Variants in MYO5C observed in about 807,000 individuals in gnomAD.
The protein encoded by MYO5C is unconventional myosin-Vc.
Under a neutral mutation model 235.7 loss-of-function variants are expected in MYO5C, and 194 were observed. The observed-to-expected ratio is 0.82, with a 90% CI of 0.73 to 0.93. MYO5C has a LOEUF of 0.93. MYO5C is among the 40% of genes least tolerant of loss of function. The pLI is 0.00. For missense variants in MYO5C, 2,038 were observed against 2,127.2 expected (o/e 0.96, Z 0.82); for synonymous variants, 707 against 754.8 (o/e 0.94, Z 1.04).
intron 2 of MYO5C, among the ~76,000 whole-genome samples, chr15:52,282,425 C>T (rs1264254440): frequency 2.0e-5 from 3 of 152,244 alleles, no homozygotes; most frequent in Admixed American, 2.0e-4. Context: ...TTTTTCATCT[C>T]TGCCCAATCT....
chr15:52,195,316 A>G, intron 40 of MYO5C, 61 bp downstream of exon 40: 1 of 1,122,402 alleles, frequency 8.9e-7, no homozygotes, highest in Non-Finnish European at 1.3e-6. Flanking sequence ...TTAATTAAGT[A>G]TCAACATCTT....
At chr15:52,282,923 C>T in intron 1 of MYO5C, 31 bp from the exon 2 acceptor site, 1 of 1,428,330 alleles carries the variant, frequency 7.0e-7, no homozygotes, top group Non-Finnish European at 9.9e-7. Flanking sequence ...AGCTGAATTT[C>T]AGGACTTCCA....
intron 21 of MYO5C, 101 bp from the exon 22 acceptor site, chr15:52,237,747 T>C: frequency 1.7e-6 from 2 of 1,184,026 alleles, no homozygotes; most frequent in Non-Finnish European, 2.4e-6. Flanking sequence ...ATTTGAGAGG[T>C]TGCTTTATGC....
At chr15:52,198,503 G>A (rs2035106554) in intron 38 of MYO5C, among the ~76,000 whole-genome samples, 1 of 152,092 alleles carries the variant, frequency 6.6e-6, no homozygotes, top group South Asian at 2.1e-4. Context: ...CCTCATTTTT[G>A]CATTGCTACT....
At chr15:52,264,031 A>C (rs765717425) in intron 9 of MYO5C, among the ~76,000 whole-genome samples, 159 bp downstream of exon 9, 10 of 152,228 alleles carry the variant, frequency 6.6e-5, no homozygotes, top group Admixed American at 5.9e-4. Context: ...TTACTCTTTG[A>C]AGGCAAGCCC....
At chr15:52,243,718 G>C (rs142054825) in intron 19 of MYO5C, among the ~76,000 whole-genome samples, 1 of 152,356 alleles carries the variant, frequency 6.6e-6, no homozygotes, top group East Asian at 1.9e-4. Flanking sequence ...TTTCCAGCAG[G>C]TACACCAAAG....
rs74015643 is a variant in MYO5C, at chr15:52,245,186, A to G, written c.2178+168T>C. Reference sequence around the variant, plus strand: ...CCTAACGGGGACTCATGGCCCACTGAGCACTCTGCTATGGTCTCTTCAGCA... The same window carrying G: ...CCTAACGGGGACTCATGGCCCACTGGGCACTCTGCTATGGTCTCTTCAGCA... On this transcript the variant is annotated intron_variant, in intron 18 of 40. Transcript: ENST00000261839. 1.8e-3 allele frequency among the ~76,000 whole-genome samples: 276 copies of G among 152,310 alleles called. 1 individual carries two copies. Among genetic ancestry groups the G allele is most frequent in the African/African-American group, 6.6e-3 (273 of 41,566 alleles).
At chr15:52,241,631 C>A (rs772967942) in intron 20 of MYO5C, among the ~76,000 whole-genome samples, 9 of 152,074 alleles carry the variant, frequency 5.9e-5, no homozygotes, top group Non-Finnish European at 1.2e-4. Context: ...AGGTGTATAT[C>A]CTGTCTGTTA....
chr15:52,293,439 A>G (rs948493931), intron 1 of MYO5C, among the ~76,000 whole-genome samples: 1 of 149,908 alleles, frequency 6.7e-6, no homozygotes, highest in Non-Finnish European at 1.5e-5. Flanking sequence ...TCCCTCTGAC[A>G]CCTCCCACCC....
rs556448388 is a variant in MYO5C at position 52,248,789 on chromosome 15, C to T, written c.1663-6G>A. On this transcript the variant is annotated splice_polypyrimidine_tract_variant and splice_region_variant and intron_variant, in intron 13 of 40. Transcript: ENST00000261839. ...CCTTCACATTTATACTCTACCTATA[C>T]AGAGAAAGCAATTAATTATTCCCAA... 1.2e-4 allele frequency: 192 copies of T among 1,600,668 alleles called. No individual in the cohort carries two copies. In the South Asian group the frequency reaches 2.0e-3, roughly 17 times the overall value.
At position 52,246,067 on chromosome 15, in the gene MYO5C, T is replaced by G; in HGVS notation, c.1980-25A>C. 2.5e-6 allele frequency: 4 copies of G among 1,595,710 alleles called. No individual in the cohort carries two copies. In the South Asian group the frequency reaches 3.3e-5, roughly 13 times the overall value. On this transcript the variant is annotated intron_variant, in intron 16 of 40. Coordinates refer to ENST00000261839, the MANE Select transcript of MYO5C (RefSeq NM_018728.4). Reference sequence around the variant, plus strand: ...TCTTTAAAAAGACAATGATATTATGTGTTGAGGCATCGTAATTGCTCAACA... The same window carrying G: ...TCTTTAAAAAGACAATGATATTATGGGTTGAGGCATCGTAATTGCTCAACA...
chr15:52,238,994 C>G (rs1211188403), intron 21 of MYO5C, among the ~76,000 whole-genome samples: 1 of 151,738 alleles, frequency 6.6e-6, no homozygotes, highest in Non-Finnish European at 1.5e-5. Flanking sequence ...TCTTGTTGCC[C>G]AGGCTGGAGT....
At position 52,196,483 on chromosome 15, in the gene MYO5C, C is replaced by G. The variant is rs2035055255; in HGVS notation, c.4821G>C (p.Arg1607Ser). ...ATTCTTCTAAGTAGCTGATATTGCA[C>G]CTGGAGGGAAAGGCAGAAGAACAGA... ...MCSCRKGMQI[R>S]CNISYLEEWL... Residue 1607 changes from arginine (R) to serine (S), a missense_variant and splice_region_variant, in exon 39 of 41, where the codon AGG (arginine) becomes AGC (serine). Coordinates refer to ENST00000261839, the MANE Select transcript of MYO5C (RefSeq NM_018728.4). 1 of 1,611,622 alleles carries G rather than the reference C, an allele frequency of 6.2e-7. No individual in the cohort carries two copies. Among genetic ancestry groups the G allele is most frequent in the Admixed American group, 1.7e-5 (1 of 59,630 alleles).
intron 9 of MYO5C, 34 bp from the exon 10 acceptor site, chr15:52,261,161 C>G: frequency 6.2e-7 from 1 of 1,606,154 alleles, no homozygotes; most frequent in Non-Finnish European, 8.5e-7. Flanking sequence ...GTCAGGTGGC[C>G]CAGCCATCCA....
intron 2 of MYO5C, among the ~76,000 whole-genome samples, chr15:52,282,147 T>A (rs145208705): frequency 6.6e-6 from 1 of 152,068 alleles, no homozygotes; most frequent in Non-Finnish European, 1.5e-5. Flanking sequence ...ACTGCTAAAG[T>A]TCATCCTCAC....
chr15:52,293,775 G>A (rs2037444127), intron 1 of MYO5C, among the ~76,000 whole-genome samples: 1 of 152,134 alleles, frequency 6.6e-6, no homozygotes, highest in African/African-American at 2.4e-5. Context: ...CTCCTCCACA[G>A]CCCAAGGGCG....
In MYO5C at chr15:52,230,453, G is replaced by T. The variant is rs536139135; in HGVS notation, c.3027-1140C>A. ...GAGTTTTGCTCTTTTACCCAGGCTG[G>T]AGTGAACTTCAGTGGCATGATCTCA... On this transcript the variant is annotated intron_variant, in intron 24 of 40. Coordinates refer to ENST00000261839, the MANE Select transcript of MYO5C (RefSeq NM_018728.4). Among the ~76,000 whole-genome samples the T allele has an allele frequency of 2.5e-4, 38 of 151,826 alleles. 1 individual carries two copies. Among genetic ancestry groups the T allele is most frequent in the African/African-American group, 9.2e-4 (38 of 41,386 alleles).
chr15:52,210,349 A>G (rs1370592616), intron 35 of MYO5C, among the ~76,000 whole-genome samples: 2 of 152,214 alleles, frequency 1.3e-5, no homozygotes, highest in Non-Finnish European at 2.9e-5. Flanking sequence ...GGTCTCCCTA[A>G]CTAAAAATTC....
intron 31 of MYO5C, 24 bp from the exon 32 acceptor site, chr15:52,218,711 C>A (rs932829672): frequency 6.2e-7 from 1 of 1,612,246 alleles, no homozygotes; most frequent in Non-Finnish European, 8.5e-7. Context: ...GGAGGAATGG[C>A]TGGTATCAGT....
Sources: allele counts gnomAD v4.1 joint callset (sites outside exome capture counted in the v4.1 genomes callset), GRCh38; gene constraint gnomAD v4.1.1; transcripts MANE v1.5; gene names NCBI Gene and HGNC (gene_info 2026-07-23, HGNC 2026-07-21).